The following MICU3 variants were observed in gnomAD, a reference collection of about 807,000 sequenced individuals.
MICU3 encodes mitochondrial calcium uptake 3, also known as calcium uptake protein 3, mitochondrial.
MICU3 carries 62 observed loss-of-function variants against 66.5 expected under a neutral mutation model. That is an observed-to-expected ratio of 0.93 (90% CI 0.76 to 1.15). The LOEUF (loss-of-function observed/expected upper bound fraction) is 1.15, where lower values mean the gene tolerates loss of function less well. Ranked by LOEUF, MICU3 falls within the 50% of genes most tolerant of loss-of-function variation. The pLI is 0.00. For missense variants in MICU3, 779 were observed against 664.4 expected (o/e 1.17, Z -1.90); for synonymous variants, 308 against 240.7 (o/e 1.28, Z -2.59).
At chr8:17,128,210 A>T in the MICU3 span, among the ~76,000 whole-genome samples, 2 of 149,328 alleles carry the variant, frequency 1.3e-5, no homozygotes, top group African/African-American at 5.0e-5. Flanking sequence ...GGGAATCCCA[A>T]AAGTTCCTGA....
chr8:17,064,294 G>T (rs1818341090), intron 2 of MICU3, 57 bp downstream of exon 2: 9 of 1,376,382 alleles, frequency 6.5e-6, no homozygotes, highest in Non-Finnish European at 9.0e-6. Context: ...TCTCTAGCTT[G>T]TGAATGGATG....
rs1802476649 is a variant in MICU3 at position 17,114,191 on chromosome 8, T to C, written c.1356T>C (p.Ser452=). The part of the protein sequence containing the change: ...ALNMYNFASR[S]IGQDEFKRAV... ...ATATGTATAACTTTGCAAGTCGTTC[T>C]ATAGGGCAAGGTAAGTAATCATCTA... The change falls in exon 12 of 15, where the codon TCT becomes TCC. Residue 452 remains serine, a synonymous_variant. Coordinates refer to ENST00000318063, the MANE Select transcript of MICU3 (RefSeq NM_181723.3). 4 of 1,599,840 alleles carry C rather than the reference T, an allele frequency of 2.5e-6. No individual in the cohort carries two copies. The highest frequency in any genetic ancestry group is 1.3e-5 in the African/African-American group (1 of 74,586).
chr8:17,061,038 A>G (rs182965760), intron 1 of MICU3, among the ~76,000 whole-genome samples: 9 of 152,262 alleles, frequency 5.9e-5, no homozygotes, highest in Admixed American at 3.3e-4. Context: ...AAAGAATGCA[A>G]ACTTTTCTGT....
At chr8:17,054,082 C>T (rs370292951) in intron 1 of MICU3, among the ~76,000 whole-genome samples, 1 of 152,160 alleles carries the variant, frequency 6.6e-6, no homozygotes, top group Non-Finnish European at 1.5e-5. Flanking sequence ...AAAAAAATTC[C>T]GTTTCAGCAA....
chr8:17,127,174 T>G (rs1004935767), downstream of MICU3, among the ~76,000 whole-genome samples: 2 of 152,202 alleles, frequency 1.3e-5, no homozygotes, highest in African/African-American at 4.8e-5. Context: ...AGTTAAATAT[T>G]TAAGCTGAAA....
intron 14 of MICU3, 51 bp from the exon 15 acceptor site, chr8:17,120,237 A>C (rs1261100961): frequency 6.6e-6 from 1 of 152,052 alleles, no homozygotes; most frequent in Non-Finnish European, 1.5e-5. Context: ...ATCACCTCAG[A>C]ATTATATCCT....
At chr8:17,064,706 A>C (rs1245069897) in intron 2 of MICU3, among the ~76,000 whole-genome samples, 1 of 152,146 alleles carries the variant, frequency 6.6e-6, no homozygotes, top group East Asian at 1.9e-4. Flanking sequence ...CATTCTTGCA[A>C]ATCTCTTAAT....
At chr8:17,049,783 T>C (rs1033259132) in intron 1 of MICU3, among the ~76,000 whole-genome samples, 1 of 152,250 alleles carries the variant, frequency 6.6e-6, no homozygotes, top group Non-Finnish European at 1.5e-5. Flanking sequence ...TTAACTCTTT[T>C]GTACAGTTGC....
intron 8 of MICU3, among the ~76,000 whole-genome samples, chr8:17,092,154 G>A (rs990284989): frequency 3.3e-5 from 5 of 152,022 alleles, no homozygotes; most frequent in South Asian, 4.1e-4. Flanking sequence ...GGGATTACAC[G>A]CGTGAGCTAC....
the MICU3 span, among the ~76,000 whole-genome samples, chr8:17,133,309 C>A: frequency 1.3e-5 from 2 of 151,856 alleles, no homozygotes; most frequent in African/African-American, 2.4e-5. Context: ...GAAATAAACC[C>A]CTTTGTTATT....
chr8:17,050,693 G>A (rs1585232531), intron 1 of MICU3, among the ~76,000 whole-genome samples: 1 of 152,246 alleles, frequency 6.6e-6, no homozygotes, highest in Non-Finnish European at 1.5e-5. Context: ...TAGTTCATGT[G>A]TGTAATATCT....
downstream of MICU3, among the ~76,000 whole-genome samples, chr8:17,124,592 C>G (rs1222504712): frequency 2.0e-5 from 3 of 151,754 alleles, no homozygotes; most frequent in Non-Finnish European, 4.4e-5. Flanking sequence ...TGTATTTAAC[C>G]CTCTCTATCT....
At chr8:17,036,547 C>T (rs770560011) in intron 1 of MICU3, among the ~76,000 whole-genome samples, 1 of 152,140 alleles carries the variant, frequency 6.6e-6, no homozygotes, top group Non-Finnish European at 1.5e-5. Flanking sequence ...CAAAGGTTCT[C>T]CACATCCCCA....
intron 1 of MICU3, among the ~76,000 whole-genome samples, chr8:17,036,229 C>T (rs1430303423): frequency 6.6e-6 from 1 of 152,016 alleles, no homozygotes; most frequent in African/African-American, 2.4e-5. Context: ...TGGAGTTGTT[C>T]ATTCCTGCCG....
At chr8:17,093,682 A>G (rs1006979431) in intron 8 of MICU3, among the ~76,000 whole-genome samples, 2 of 151,940 alleles carry the variant, frequency 1.3e-5, no homozygotes, top group African/African-American at 4.8e-5. Context: ...GATTATTTAT[A>G]TCATCTTAGT....
intron 2 of MICU3, among the ~76,000 whole-genome samples, chr8:17,066,790 A>G (rs1396693685): frequency 6.6e-6 from 1 of 151,788 alleles, no homozygotes; most frequent in Admixed American, 6.6e-5. Flanking sequence ...CGAGCAGTCC[A>G]CCTGCCTCAG....
intron 4 of MICU3, among the ~76,000 whole-genome samples, chr8:17,078,357 G>A (rs1820692083): frequency 6.6e-6 from 1 of 151,884 alleles, no homozygotes. Flanking sequence ...AACACTTACT[G>A]CAAATATACC....
intron 1 of MICU3, chr8:17,049,551 G>T (rs1815691549): frequency 1.9e-6 from 1 of 513,310 alleles, no homozygotes; most frequent in Admixed American, 1.9e-5. Flanking sequence ...GCTAAAGTTT[G>T]CAGAAAGTTA....
intron 2 of MICU3, among the ~76,000 whole-genome samples, chr8:17,066,537 A>G (rs1198314209): frequency 8.2e-6 from 1 of 122,592 alleles, no homozygotes; most frequent in East Asian, 2.4e-4. Flanking sequence ...ATATATATAT[A>G]TATAGATTTT....
Sources: gnomAD v4.1 joint callset for allele counts (sites outside exome capture counted in the v4.1 genomes callset) on GRCh38, gnomAD v4.1.1 for gene constraint, MANE v1.5 for transcripts, NCBI Gene and HGNC (gene_info 2026-07-23, HGNC 2026-07-21) for gene names.